Variants in KIN observed in about 807,000 individuals in gnomAD.
KIN encodes DNA/RNA-binding protein KIN17.
A neutral mutation model predicts 63.0 loss-of-function variants in KIN; 47 were observed. That is an observed-to-expected ratio of 0.75 (90% confidence interval 0.59 to 0.95). KIN has a LOEUF of 0.95. Among genes scored for constraint, KIN ranks in the 40% least tolerant of loss-of-function variants. The pLI is 0.00. For missense variants in KIN, 408 were observed against 460.9 expected, an observed-to-expected ratio of 0.89 and a Z score of 1.05; for synonymous variants, 160 against 157.7, an observed-to-expected ratio of 1.01 and a Z score of -0.11.
At chr10:7,787,097 C>A (rs1334700164) in intron 1 of KIN, among the ~76,000 whole-genome samples, 2 of 152,088 alleles carry the variant, frequency 1.3e-5, no homozygotes, top group East Asian at 3.9e-4. Flanking sequence ...TAAGGCTTTT[C>A]GAGATCTGCC....
At position 7,769,140 on chromosome 10, in the gene KIN, A is replaced by G. The variant is rs897906343; in HGVS notation, c.798+76T>C. On this transcript the variant is annotated intron_variant, in intron 8 of 12. Coordinates refer to ENST00000379562, the MANE Select transcript of KIN (RefSeq NM_012311.4). ...TACATGATAATTTTCCTAATTTTCTATTAATCTAATAAATGGTGAAATGAT... is the reference window on the plus strand; with the variant it reads ...TACATGATAATTTTCCTAATTTTCTGTTAATCTAATAAATGGTGAAATGAT... The G allele has an allele frequency of 8.8e-6, 12 of 1,369,286 alleles. No homozygotes were observed. The African/African-American group carries it at 1.6e-4, about 18-fold the overall frequency. 84.8% of individuals were successfully genotyped at this position (1,369,286 alleles called of 1,614,324 possible).
At chr10:7,769,082 C>A in intron 8 of KIN, 134 bp downstream of exon 8, 1 of 690,826 alleles carries the variant, frequency 1.4e-6, no homozygotes, top group Non-Finnish European at 2.3e-6. Context: ...GTTCGGGGAA[C>A]TGTATGTAGC....
At chr10:7,771,608 C>T (rs532947817) in intron 7 of KIN, among the ~76,000 whole-genome samples, 9 of 152,026 alleles carry the variant, frequency 5.9e-5, no homozygotes, top group Non-Finnish European at 1.0e-4. Flanking sequence ...TAAAACTCAA[C>T]TGGGCCGGGC....
At chr10:7,765,886 C>A (rs1175027045) in intron 9 of KIN, among the ~76,000 whole-genome samples, 167 bp downstream of exon 9, 1 of 152,106 alleles carries the variant, frequency 6.6e-6, no homozygotes, top group East Asian at 1.9e-4. Context: ...AGAGGTGCAA[C>A]CAATAATTAA....
intron 12 of KIN, among the ~76,000 whole-genome samples, chr10:7,756,694 T>G (rs1044611760): frequency 1.3e-5 from 2 of 152,206 alleles, no homozygotes; most frequent in African/African-American, 4.8e-5. Flanking sequence ...GAGTGAAACG[T>G]TAACTTCTAC....
chr10:7,774,739 G>A, intron 7 of KIN, 92 bp downstream of exon 7: 4 of 1,019,322 alleles, frequency 3.9e-6, no homozygotes, highest in South Asian at 1.5e-5. Context: ...ACTACAACTA[G>A]AAAAAAATGA....
intron 10 of KIN, 104 bp from the exon 11 acceptor site, chr10:7,762,660 GAA>G (rs1239406921): frequency 1.2e-5 from 7 of 587,560 alleles, no homozygotes; most frequent in African/African-American, 3.8e-5. Flanking sequence ...TCAATCAAAA[GAA>G]AGAGTAACTC....
intron 5 of KIN, among the ~76,000 whole-genome samples, chr10:7,776,490 G>A (rs929631618): frequency 5.3e-5 from 8 of 150,806 alleles, no homozygotes; most frequent in Admixed American, 2.6e-4. Flanking sequence ...TGCAGTGAGC[G>A]GAGATCGTGC....
Position 7,754,523 on chromosome 10 carries a change from C to T in KIN, c.*1557G>A. On this transcript the variant is annotated 3_prime_UTR_variant, in exon 13 of 13. Coordinates refer to ENST00000379562, the MANE Select transcript of KIN (RefSeq NM_012311.4). The stretch of plus-strand genomic sequence containing the variant: ...TGGCGCATGCCTGTAGTCCCAGCTA[C>T]TCAGGAGGCTGAGGCAGGAGAATGG... The T allele has an allele frequency of 6.5e-6, 1 of 155,014 alleles. No homozygotes were observed. The highest frequency in any genetic ancestry group is 1.4e-5 in the Non-Finnish European group (1 of 70,212). The allele number at this position is 155,014 out of a possible 1,614,324, so 9.6% of individuals were successfully genotyped here. A position where few individuals can be genotyped will look rare whatever the true frequency, so the allele number is the denominator to read the frequency against.
At chr10:7,787,402 TCTC>T (rs1383644516) in intron 1 of KIN, among the ~76,000 whole-genome samples, 1 of 152,172 alleles carries the variant, frequency 6.6e-6, no homozygotes, top group Non-Finnish European at 1.5e-5. Context: ...AGAGCTTAGC[TCTC>T]CTTTTTCACC....
chr10:7,774,882 T>C lies in KIN; in HGVS notation c.617A>G (p.Asn206Ser), dbSNP rs1471555641. The change falls in exon 7 of 13, where the codon AAT becomes AGT. Residue 206 changes from asparagine (N) to serine (S), a missense_variant. By Grantham distance (46) the Asn-to-Ser change is conservative. Around this residue, in one of 2 missense-constraint regions of KIN, gnomAD observed 298 missense variants for 296.0 expected, o/e 1.01. Coordinates refer to ENST00000379562, the MANE Select transcript of KIN (RefSeq NM_012311.4). Reference protein sequence around the residue: ...RENDEEKVTFNLSKGACSSSG... With the variant: ...RENDEEKVTFSLSKGACSSSG... Reference sequence around the variant, plus strand: ...TGAGCTACATGCTCCTTTACTCAAATTAAACGTGACTAGAAGAAAAAAATG... The same window carrying C: ...TGAGCTACATGCTCCTTTACTCAAACTAAACGTGACTAGAAGAAAAAAATG... 1.7e-5 allele frequency: 27 copies of C among 1,612,132 alleles called. 1 individual carries two copies. Among genetic ancestry groups the C allele is most frequent in the Non-Finnish European group, 2.3e-5 (27 of 1,178,556 alleles).
intron 1 of KIN, among the ~76,000 whole-genome samples, chr10:7,784,160 G>GA (rs1258262189): frequency 1.3e-5 from 2 of 152,092 alleles, no homozygotes; most frequent in Admixed American, 6.5e-5. Context: ...CTAAATCCTA[G>GA]AAACCCAGGA....
chr10:7,759,511 C>T (rs927671552), intron 12 of KIN, among the ~76,000 whole-genome samples: 15 of 151,760 alleles, frequency 9.9e-5, no homozygotes, highest in African/African-American at 3.4e-4. Context: ...GTTTTATATT[C>T]GATATGAGGG....
intron 11 of KIN, among the ~76,000 whole-genome samples, 159 bp downstream of exon 11, chr10:7,762,298 C>T (rs1317475520): frequency 1.3e-5 from 2 of 151,358 alleles, no homozygotes; most frequent in South Asian, 2.1e-4. Flanking sequence ...CAGTAAACTA[C>T]GATGCCCTTG....
At chr10:7,769,692 GT>G (rs138954454) in intron 7 of KIN, among the ~76,000 whole-genome samples, 6,058 of 151,986 alleles carry the variant, frequency 0.04, 149 homozygotes, top group South Asian at 0.06. Context: ...GCAGATCAGG[GT>G]TTGAGGCTAC....
intron 7 of KIN, among the ~76,000 whole-genome samples, chr10:7,773,326 T>C (rs1472490297): frequency 1.3e-5 from 2 of 152,156 alleles, no homozygotes; most frequent in Non-Finnish European, 2.9e-5. Flanking sequence ...CATAGAAAAC[T>C]AATACAAGGG....
intron 1 of KIN, among the ~76,000 whole-genome samples, chr10:7,785,883 T>G (rs1385201484): frequency 3.3e-5 from 5 of 151,470 alleles, no homozygotes; most frequent in Admixed American, 6.6e-5. Flanking sequence ...ATAGAGAAAA[T>G]TAAATTTGGA....
At chr10:7,757,700 G>C (rs1044205263) in intron 12 of KIN, among the ~76,000 whole-genome samples, 1 of 151,786 alleles carries the variant, frequency 6.6e-6, no homozygotes. Flanking sequence ...ATATTTAAAG[G>C]AATTAAGTTC....
intron 2 of KIN, among the ~76,000 whole-genome samples, chr10:7,782,539 C>T (rs987826408): frequency 6.6e-6 from 1 of 151,966 alleles, no homozygotes; most frequent in Non-Finnish European, 1.5e-5. Flanking sequence ...GCTGGGATTA[C>T]AGGTGCCCAC....
Sources: allele counts gnomAD v4.1 joint callset (sites outside exome capture counted in the v4.1 genomes callset), GRCh38; gene constraint gnomAD v4.1.1; regional missense constraint gnomAD v4.1.1; transcripts MANE v1.5; gene names NCBI Gene and HGNC (gene_info 2026-07-23, HGNC 2026-07-21).